The following PCDHGA2 variants were observed in gnomAD, a reference collection of about 807,000 sequenced individuals.
PCDHGA2 encodes the protein protocadherin gamma subfamily A, 2, also known as protocadherin gamma-A2.
PCDHGA2 carries 40 observed loss-of-function variants against 59.2 expected under a neutral mutation model. The observed-to-expected ratio is 0.68, with a 90% CI of 0.52 to 0.88. The LOEUF is 0.88. PCDHGA2 is among the 40% of genes least tolerant of loss of function. The probability of loss-of-function intolerance (pLI) is 0.00; values close to 1 mark genes in which losing one functional copy is unlikely to be tolerated. For missense variants in PCDHGA2, 1,226 were observed against 1,204.0 expected (o/e 1.02, Z -0.27); for synonymous variants, 560 against 526.0 (o/e 1.06, Z -0.89).
chr5:141,374,582 C>T, intron 1 of PCDHGA2: 1 of 1,613,744 alleles, frequency 6.2e-7, no homozygotes, highest in Non-Finnish European at 8.5e-7. Context: ...AATGAACTCC[C>T]TTCAGGGATT....
Position 141,490,226 on chromosome 5 carries a change from C to T in PCDHGA2, c.2425-4581C>T. On this transcript the variant is annotated intron_variant, in intron 1 of 3. Coordinates refer to ENST00000394576, the MANE Select transcript of PCDHGA2 (RefSeq NM_018915.4). This position sits in a 1 kb window ranked among gnomAD's most constrained non-coding sequence, Gnocchi z 5.4. ...AGAGCCCGTGACCAGGGACAGCCTG[C>T]CATGGAGGGCCACTGTGTGATTCAA... The T allele has an allele frequency of 6.2e-7, 1 of 1,614,168 alleles. No homozygotes were observed. Among genetic ancestry groups the T allele is most frequent in the Non-Finnish European group, 8.5e-7 (1 of 1,180,020 alleles).
At chr5:141,435,516 C>T (rs2097767967) in intron 1 of PCDHGA2, among the ~76,000 whole-genome samples, 1 of 152,058 alleles carries the variant, frequency 6.6e-6, no homozygotes, top group Non-Finnish European at 1.5e-5. Context: ...CTAATGATGA[C>T]TTTGTGGAAT....
chr5:141,511,115 A>G lies in PCDHGA2; in HGVS notation c.2741A>G (p.Lys914Arg). 6.2e-7 allele frequency: 1 copy of G among 1,614,214 alleles called. No individual in the cohort carries two copies. Among genetic ancestry groups the G allele is most frequent in the Non-Finnish European group, 8.5e-7 (1 of 1,180,006 alleles). ...AACGCAGCTGGCAAGCGGGATGGCA[A>G]GGCCCCAGCAGGTGGCAATGGCAAC... Reference protein sequence around the residue: ...LTNAAGKRDGKAPAGGNGNKK... With the variant: ...LTNAAGKRDGRAPAGGNGNKK... Residue 914 changes from lysine (K) to arginine (R), a missense_variant, in exon 4 of 4, where the codon AAG becomes AGG. Coordinates refer to ENST00000394576, the MANE Select transcript of PCDHGA2 (RefSeq NM_018915.4).
chr5:141,491,612 G>C lies in PCDHGA2; in HGVS notation c.2425-3195G>C, dbSNP rs759955730. 1 of 1,613,906 alleles carries C rather than the reference G, an allele frequency of 6.2e-7. No individual in the cohort carries two copies. Among genetic ancestry groups the C allele is most frequent in the South Asian group, 1.1e-5 (1 of 91,080 alleles). ...GACGGCAGTGACTTCACTTTTCTAA[G>C]ACCCCTCAGCGTTCAGCAGCCCACA... On this transcript the variant is annotated intron_variant, in intron 1 of 3. Transcript: ENST00000394576. The surrounding 1 kb of genome is among the most constrained non-coding windows in gnomAD (Gnocchi z 6.9).
At chr5:141,419,464 C>T (rs199965876) in intron 1 of PCDHGA2, 35 of 1,612,542 alleles carry the variant, frequency 2.2e-5, no homozygotes, top group Middle Eastern at 1.7e-4. Context: ...TGCAGGCCCG[C>T]GACCAGGGCT....
At chr5:141,390,107 C>G (rs778685705) in intron 1 of PCDHGA2, 19 of 1,614,066 alleles carry the variant, frequency 1.2e-5, no homozygotes, top group Non-Finnish European at 1.6e-5. Context: ...CCCCCAACTA[C>G]AGCGAGGGGA....
At chr5:141,371,316 G>A in intron 1 of PCDHGA2, 1 of 1,614,002 alleles carries the variant, frequency 6.2e-7, no homozygotes, top group Non-Finnish European at 8.5e-7. Flanking sequence ...TGGAGAACTG[G>A]ACTTTGAAGA....
At chr5:141,427,450 CT>C in intron 1 of PCDHGA2, 1 of 486,442 alleles carries the variant, frequency 2.1e-6, no homozygotes, top group South Asian at 1.5e-5. Flanking sequence ...GAAAGAGTTC[CT>C]TTTAGAATCG....
intron 1 of PCDHGA2, among the ~76,000 whole-genome samples, chr5:141,483,294 T>G (rs1392406131): frequency 2.0e-5 from 3 of 152,100 alleles, no homozygotes; most frequent in Non-Finnish European, 4.4e-5. Flanking sequence ...CAGTCATAAG[T>G]GAAGGGACTG....
chr5:141,417,940 C>A, intron 1 of PCDHGA2: 2 of 1,613,054 alleles, frequency 1.2e-6, no homozygotes, highest in Non-Finnish European at 1.7e-6. Flanking sequence ...TGTTCTACCC[C>A]ACGCTGTGTG....
At chr5:141,404,780 A>G (rs746373854) in intron 1 of PCDHGA2, 2 of 1,612,764 alleles carry the variant, frequency 1.2e-6, no homozygotes, top group African/African-American at 1.3e-5. Flanking sequence ...CCGCCTATTC[A>G]AGGCCAGTGA....
chr5:141,383,085 C>T (rs773972778), intron 1 of PCDHGA2: 1 of 1,613,744 alleles, frequency 6.2e-7, no homozygotes, highest in Non-Finnish European at 8.5e-7. Flanking sequence ...TGGCGGAGCG[C>T]GGAGTCCGCA....
At chr5:141,407,286 T>A (rs1409712341) in intron 1 of PCDHGA2, among the ~76,000 whole-genome samples, 1 of 152,234 alleles carries the variant, frequency 6.6e-6, no homozygotes, top group Non-Finnish European at 1.5e-5. Flanking sequence ...TTGTTACAAT[T>A]TCTGTTCTGA....
rs373048330 is a variant in PCDHGA2 at position 141,384,937 on chromosome 5, C to A, written c.2424+43542C>A. On this transcript the variant is annotated intron_variant, in intron 1 of 3. Coordinates refer to ENST00000394576, the MANE Select transcript of PCDHGA2 (RefSeq NM_018915.4). Reference sequence around the variant, plus strand: ...CTTGGCCGACCTGGGCAGCCTTGAGCCCTCCGACGGTCCTTACAACTATGA... The same window carrying A: ...CTTGGCCGACCTGGGCAGCCTTGAGACCTCCGACGGTCCTTACAACTATGA... The A allele has an allele frequency of 1.6e-4, 255 of 1,614,068 alleles. 1 individual carries two copies. The South Asian group carries it at 2.7e-3, about 17-fold the overall frequency.
chr5:141,410,019 A>C, intron 1 of PCDHGA2: 2 of 1,613,204 alleles, frequency 1.2e-6, no homozygotes, highest in African/African-American at 2.7e-5. Context: ...TGGCTGTCCT[A>C]CCACGTGCTG....
chr5:141,415,853 G>GTAGTT, intron 1 of PCDHGA2: 1 of 1,186,350 alleles, frequency 8.4e-7, no homozygotes, highest in Non-Finnish European at 1.1e-6. Context: ...GCAGAACCTT[G>GTAGTT]TAGTTTATAG....
chr5:141,365,849 A>G (rs773114118), intron 1 of PCDHGA2: 49 of 1,613,994 alleles, frequency 3.0e-5, no homozygotes, highest in Middle Eastern at 3.3e-4. Flanking sequence ...CTATGTATCC[A>G]TTAACTCTGA....
At chr5:141,443,760 T>C (rs894568340) in intron 1 of PCDHGA2, among the ~76,000 whole-genome samples, 20 of 152,040 alleles carry the variant, frequency 1.3e-4, no homozygotes, top group African/African-American at 4.6e-4. Context: ...AAGCTTACAA[T>C]ATACAATATT....
chr5:141,347,960 G>C (rs568312417), intron 1 of PCDHGA2, among the ~76,000 whole-genome samples: 2 of 152,270 alleles, frequency 1.3e-5, no homozygotes, highest in South Asian at 4.1e-4. Flanking sequence ...TCTTGTCCTT[G>C]AGAAGGACAT....
Sources: gnomAD v4.1 joint callset for allele counts (sites outside exome capture counted in the v4.1 genomes callset) on GRCh38, gnomAD v4.1.1 for gene constraint, Gnocchi (gnomAD v3.1) non-coding constraint, MANE v1.5 for transcripts, NCBI Gene and HGNC (gene_info 2026-07-23, HGNC 2026-07-21) for gene names.